Variants in USP54 observed in about 807,000 individuals in gnomAD.
USP54 encodes ubiquitin carboxyl-terminal hydrolase 54.
USP54 carries 87 observed loss-of-function variants against 170.5 expected under a neutral mutation model. That is an observed-to-expected ratio of 0.51 (90% CI 0.43 to 0.61). USP54 has a LOEUF of 0.61. Ranked by LOEUF, USP54 falls within the 20% of genes least tolerant of loss-of-function variation. The pLI is 0.00. For missense variants in USP54, 1,786 were observed against 2,047.8 expected (o/e 0.87, Z 2.47); for synonymous variants, 655 against 742.8 (o/e 0.88, Z 1.92).
chr10:73,587,687 T>G (rs1337955766), intron 1 of USP54, among the ~76,000 whole-genome samples: 1 of 152,178 alleles, frequency 6.6e-6, no homozygotes, highest in African/African-American at 2.4e-5. Flanking sequence ...AACTAACTCT[T>G]AGGTACTTCA....
chr10:73,616,670 C>A (rs1476713767), intron 1 of USP54, among the ~76,000 whole-genome samples: 5 of 149,958 alleles, frequency 3.3e-5, no homozygotes, highest in African/African-American at 1.3e-4. Flanking sequence ...AAAAAAAATA[C>A]AAAAATTATC....
intron 10 of USP54, among the ~76,000 whole-genome samples, chr10:73,538,606 G>C (rs1277878883): frequency 6.6e-6 from 1 of 151,996 alleles, no homozygotes; most frequent in Non-Finnish European, 1.5e-5. Flanking sequence ...CTTGAGCCCA[G>C]GAGTTCCAGA....
intron 20 of USP54, chr10:73,506,821 C>A (rs1202480195): frequency 1.3e-5 from 2 of 152,066 alleles, no homozygotes; most frequent in East Asian, 3.8e-4. Flanking sequence ...TCCTAAAAAA[C>A]AACCTGGTAA....
chr10:73,582,345 G>A (rs2076995196), intron 1 of USP54, among the ~76,000 whole-genome samples: 3 of 151,932 alleles, frequency 2.0e-5, no homozygotes, highest in Non-Finnish European at 2.9e-5. Context: ...GGAACCCTTT[G>A]ATAAAACCAG....
At chr10:73,597,589 A>G (rs1049983342) in intron 1 of USP54, among the ~76,000 whole-genome samples, 2 of 152,082 alleles carry the variant, frequency 1.3e-5, no homozygotes, top group African/African-American at 4.8e-5. Context: ...CCCTCTAACC[A>G]CCAAAGTAGC....
Position 73,498,596 on chromosome 10 carries a change from A to G in USP54, c.*33T>C. ...GCCCACAGTACAGTTTTACAAAGAAAGGTGTAGCTCCAGGAAAGGAAAGGA... is the reference window on the plus strand; with the variant it reads ...GCCCACAGTACAGTTTTACAAAGAAGGGTGTAGCTCCAGGAAAGGAAAGGA... On this transcript the variant is annotated 3_prime_UTR_variant, in exon 24 of 24. Coordinates refer to ENST00000687698, the MANE Select transcript of USP54 (RefSeq NM_001391956.1). 1 of 1,504,122 alleles carries G rather than the reference A, an allele frequency of 6.6e-7. No homozygotes were observed. Among genetic ancestry groups the G allele is most frequent in the Non-Finnish European group, 8.9e-7 (1 of 1,125,150 alleles). 93.2% of individuals were successfully genotyped at this position (1,504,122 alleles called of 1,614,324 possible).
In USP54 at chr10:73,539,581, C is replaced by T; in HGVS notation, c.838G>A (p.Val280Met). ...GATTGCTTGGCCCGGTCATCCGTCACTCTGAAAAACAGCTGAGGGGAAAGA... is the reference window on the plus strand; with the variant it reads ...GATTGCTTGGCCCGGTCATCCGTCATTCTGAAAAACAGCTGAGGGGAAAGA... ...CLKLGDLFFR[V>M]TDDRAKQSEL... Residue 280 changes from valine to methionine, a missense_variant, in exon 10 of 24, where the codon GTG (valine) becomes ATG (methionine). Transcript: ENST00000687698. 1.3e-6 allele frequency: 2 copies of T among 1,598,442 alleles called. No individual in the cohort carries two copies. The highest frequency in any genetic ancestry group is 1.7e-6 in the Non-Finnish European group (2 of 1,170,050).
chr10:73,601,771 C>T (rs554548235), intron 1 of USP54, among the ~76,000 whole-genome samples: 7 of 152,338 alleles, frequency 4.6e-5, no homozygotes, highest in Admixed American at 4.6e-4. Context: ...TTTCCTTATA[C>T]ATGCCTAGTG....
intron 22 of USP54, among the ~76,000 whole-genome samples, chr10:73,503,770 T>C (rs2133150703): frequency 6.6e-6 from 1 of 152,336 alleles, no homozygotes; most frequent in South Asian, 2.1e-4. Flanking sequence ...TCTTGCTCTG[T>C]TACCCAGGCT....
chr10:73,567,043 A>AT (rs1397051903), intron 4 of USP54, among the ~76,000 whole-genome samples: 4 of 151,394 alleles, frequency 2.6e-5, no homozygotes, highest in Admixed American at 6.6e-5. Context: ...CACCCAGCTA[A>AT]TTTTTTTGTA....
chr10:73,610,089 A>C (rs1032606132), intron 1 of USP54, among the ~76,000 whole-genome samples: 9 of 151,920 alleles, frequency 5.9e-5, no homozygotes, highest in African/African-American at 1.9e-4. Flanking sequence ...GAGGCATGAG[A>C]ATCACTTGAA....
chr10:73,509,677 T>C (rs538191155), intron 20 of USP54, among the ~76,000 whole-genome samples: 36 of 151,622 alleles, frequency 2.4e-4, no homozygotes, highest in African/African-American at 8.0e-4. Context: ...ATGAATGAAA[T>C]AATATAATAT....
chr10:73,593,934 A>G (rs2078501550), upstream of USP54, among the ~76,000 whole-genome samples: 1 of 152,236 alleles, frequency 6.6e-6, no homozygotes, highest in Non-Finnish European at 1.5e-5. Context: ...GAAAAACCAA[A>G]ATAACTCCCT....
chr10:73,569,902 C>CAAAAAAAAAAAAAAAAAAAAAAAAA (rs34676499), intron 4 of USP54, among the ~76,000 whole-genome samples: 1 of 18,706 alleles, frequency 5.3e-5, no homozygotes, highest in African/African-American at 2.2e-4. Flanking sequence ...ATTTCATCTC[C>CAAAAAAAAAAAAAAAAAAAAAAAAA]AAAAAAAAAA....
Position 73,530,315 on chromosome 10 carries a change from A to G in USP54, c.1656T>C (p.Ser552=), listed in dbSNP as rs1255079768. 3.7e-6 allele frequency: 6 copies of G among 1,613,998 alleles called. No homozygotes were observed. In the Admixed American group the frequency reaches 8.3e-5, roughly 22 times the overall value. ...KKPPRTLPLH[S]RDWEIESTSS... ...TGGTACTCTCTATTTCCCAGTCACG[A>G]GAGTGTAAAGGCAGGGTCCTAGGAG... Residue 552 remains serine (S), a synonymous_variant, in exon 14 of 24, where the codon TCT becomes TCC. Coordinates refer to ENST00000687698, the MANE Select transcript of USP54 (RefSeq NM_001391956.1).
intron 20 of USP54, among the ~76,000 whole-genome samples, chr10:73,509,094 T>A: frequency 2.8e-5 from 3 of 106,376 alleles, no homozygotes; most frequent in African/African-American, 3.8e-5. Flanking sequence ...AAACATAGGG[T>A]ATCATACTGG....
chr10:73,500,779 G>A lies in USP54; in HGVS notation c.4371C>T (p.Ser1457=). 1 of 1,600,906 alleles carries A rather than the reference G, an allele frequency of 6.2e-7. No individual in the cohort carries two copies. The highest frequency in any genetic ancestry group is 8.5e-7 in the Non-Finnish European group (1 of 1,175,402). The change falls in exon 23 of 24, where the codon TCC becomes TCT. Residue 1457 remains serine, a synonymous_variant. Transcript: ENST00000687698. The part of the protein sequence containing the change: ...ETGHRCSSSS[S]LPVIHDPSVF... ...CAGAAGGGTCATGGATGACAGGGAG[G>A]GAAGAGGAGCTGGAACAACGGTGCC...
chr10:73,556,621 G>A (rs1342758805), intron 4 of USP54, among the ~76,000 whole-genome samples: 2 of 152,126 alleles, frequency 1.3e-5, no homozygotes, highest in African/African-American at 2.4e-5. Context: ...TGGGATTACA[G>A]GCATGAGCCA....
intron 20 of USP54, among the ~76,000 whole-genome samples, chr10:73,510,650 T>C (rs1215812636): frequency 6.6e-6 from 1 of 152,032 alleles, no homozygotes; most frequent in African/African-American, 2.4e-5. Context: ...GGTTTCACCA[T>C]GTTGGCCAGG....
Sources: gnomAD v4.1 joint callset for allele counts (sites outside exome capture counted in the v4.1 genomes callset) on GRCh38, gnomAD v4.1.1 for gene constraint, MANE v1.5 for transcripts, NCBI Gene and HGNC (gene_info 2026-07-23, HGNC 2026-07-21) for gene names.